The following RTN1 variants were observed in gnomAD, a reference collection of about 807,000 sequenced individuals.
RTN1 encodes reticulon 1.
In RTN1, 25 loss-of-function variants were observed where a neutral mutation model predicts 65.5. The ratio of observed to expected loss-of-function variants is 0.38; its 90% CI spans 0.28 to 0.53. RTN1 has a LOEUF of 0.53. Ranked by LOEUF, RTN1 falls within the 20% of genes least tolerant of loss-of-function variation. The pLI is 0.79. For synonymous variants in RTN1, 471 were observed against 447.6 expected, an observed-to-expected ratio of 1.05 and a Z score of -0.66; for missense variants, 983 against 1,025.4, an observed-to-expected ratio of 0.96 and a Z score of 0.57.
In RTN1 at chr14:59,825,432, G is replaced by A. The variant is rs1887013981; in HGVS notation, c.241+44958C>T. The stretch of plus-strand genomic sequence containing the variant: ...TACACAGGAAAATGCTCTGATTCAG[G>A]GAAAGTTGCTATAAAATAGTTTTAA... On this transcript the variant is annotated intron_variant, in intron 1 of 8. Coordinates refer to ENST00000267484, the MANE Select transcript of RTN1 (RefSeq NM_021136.3). This position sits in a 1 kb window ranked among gnomAD's most constrained non-coding sequence, Gnocchi z 4.2. 1.3e-5 allele frequency among the ~76,000 whole-genome samples: 2 copies of A among 152,304 alleles called. No individual in the cohort carries two copies. Among genetic ancestry groups the A allele is most frequent in the South Asian group, 2.1e-4 (1 of 4,818 alleles).
chr14:59,776,264 G>A (rs950360866), intron 1 of RTN1, among the ~76,000 whole-genome samples: 1 of 152,108 alleles, frequency 6.6e-6, no homozygotes, highest in African/African-American at 2.4e-5. Flanking sequence ...CTAGTAAGAG[G>A]TGGATTAGGT....
chr14:59,798,483 G>A (rs1429414342), intron 1 of RTN1, among the ~76,000 whole-genome samples: 1 of 152,106 alleles, frequency 6.6e-6, no homozygotes, highest in Non-Finnish European at 1.5e-5. Flanking sequence ...GGTTCTTTAG[G>A]AGGCTCTAAG....
chr14:59,757,021 A>C (rs1885654083), intron 1 of RTN1, among the ~76,000 whole-genome samples: 1 of 151,970 alleles, frequency 6.6e-6, no homozygotes, highest in Admixed American at 6.6e-5. Context: ...TATTCTTATT[A>C]TTTTTTGAGC....
At chr14:59,818,606 A>T (rs1886864189) in intron 1 of RTN1, among the ~76,000 whole-genome samples, 2 of 152,230 alleles carry the variant, frequency 1.3e-5, no homozygotes, top group East Asian at 3.8e-4. Flanking sequence ...TGTCATCGCG[A>T]ATAGTATGAT....
chr14:59,624,433 C>T (rs763424956), intron 3 of RTN1, among the ~76,000 whole-genome samples: 1 of 151,788 alleles, frequency 6.6e-6, no homozygotes, highest in Non-Finnish European at 1.5e-5. Flanking sequence ...TATAAGGCAG[C>T]CATATTTCTT....
At chr14:59,704,139 C>T (rs991105419) in intron 3 of RTN1, among the ~76,000 whole-genome samples, 10 of 152,114 alleles carry the variant, frequency 6.6e-5, no homozygotes, top group African/African-American at 1.7e-4. Context: ...CACTGAGAGT[C>T]TGATGAAAGT....
At chr14:59,648,471 T>C (rs1566672108) in intron 3 of RTN1, among the ~76,000 whole-genome samples, 1 of 152,132 alleles carries the variant, frequency 6.6e-6, no homozygotes, top group African/African-American at 2.4e-5. Context: ...AACCAAAACC[T>C]GGCAGAGACA....
rs1053074754 is a variant in RTN1 at position 59,840,513 on chromosome 14, A to T, written c.241+29877T>A. On this transcript the variant is annotated intron_variant, in intron 1 of 8. Coordinates refer to ENST00000267484, the MANE Select transcript of RTN1 (RefSeq NM_021136.3). Reference sequence around the variant, plus strand: ...AGTTAGAGATAAAGAAGTATCTACCACGTATGGTTGTCGTAGGAGTAAATG... The same window carrying T: ...AGTTAGAGATAAAGAAGTATCTACCTCGTATGGTTGTCGTAGGAGTAAATG... Among the ~76,000 whole-genome samples, 9 of 152,268 alleles carry T rather than the reference A, an allele frequency of 5.9e-5. No individual in the cohort carries two copies. In the South Asian group the frequency reaches 6.2e-4, roughly 11 times the overall value.
At chr14:59,818,232 G>T (rs984304773) in intron 1 of RTN1, among the ~76,000 whole-genome samples, 1 of 152,194 alleles carries the variant, frequency 6.6e-6, no homozygotes, top group Admixed American at 6.5e-5. Context: ...AGTATTCCAT[G>T]ATGTGTATGT....
rs1338461483 is a variant in RTN1, at chr14:59,688,681, T to G, written c.1765+38238A>C. Among the ~76,000 whole-genome samples, 4 of 152,090 alleles carry G rather than the reference T, an allele frequency of 2.6e-5. No homozygotes were observed. In the East Asian group the frequency reaches 5.8e-4, roughly 22 times the overall value. On this transcript the variant is annotated intron_variant, in intron 3 of 8. Coordinates refer to ENST00000267484, the MANE Select transcript of RTN1 (RefSeq NM_021136.3). ...CCAAGATAAGACCTGTCAGCAGAAG[T>G]GCATAGGGCTATAGAAGCAAAGCCA...
Position 59,727,125 on chromosome 14 carries a change from C to A in RTN1, c.1559G>T (p.Gly520Val). ...APSRRGLAEP[G>V]SFLDYPSTEP... Reference sequence around the variant, plus strand: ...AGTTGAGGGGTAGTCGAGGAAGGAACCCGGCTCGGCCAGGCCCCGCCGGCT... The same window carrying A: ...AGTTGAGGGGTAGTCGAGGAAGGAAACCGGCTCGGCCAGGCCCCGCCGGCT... Residue 520 changes from glycine (G) to valine (V), a missense_variant, in exon 3 of 9, where the codon GGT (glycine) becomes GTT (valine). Coordinates refer to ENST00000267484, the MANE Select transcript of RTN1 (RefSeq NM_021136.3). This position sits in a 1 kb window ranked among gnomAD's most constrained non-coding sequence, Gnocchi z 4.2. 6.2e-7 allele frequency: 1 copy of A among 1,606,422 alleles called. No individual in the cohort carries two copies. The highest frequency in any genetic ancestry group is 8.5e-7 in the Non-Finnish European group (1 of 1,176,602).
intron 3 of RTN1, among the ~76,000 whole-genome samples, chr14:59,725,279 A>G (rs1884733679): frequency 6.6e-6 from 1 of 152,220 alleles, no homozygotes; most frequent in Non-Finnish European, 1.5e-5. Flanking sequence ...ACTTTTGAGA[A>G]TAAACATATT....
At chr14:59,722,682 G>C (rs1019317281) in intron 3 of RTN1, among the ~76,000 whole-genome samples, 2 of 150,720 alleles carry the variant, frequency 1.3e-5, no homozygotes, top group Admixed American at 1.3e-4. Flanking sequence ...ATATATTCCT[G>C]AATACTTAAA....
intron 1 of RTN1, among the ~76,000 whole-genome samples, chr14:59,854,669 T>C (rs919628020): frequency 2.9e-5 from 4 of 139,650 alleles, no homozygotes; most frequent in Admixed American, 2.8e-4. Context: ...AAAAAATAGA[T>C]GCTGCACAAG....
rs1323153217 is a variant in RTN1, at chr14:59,803,988, A to G, written c.242-57507T>C. 6.6e-6 allele frequency among the ~76,000 whole-genome samples: 1 copy of G among 152,246 alleles called. No homozygotes were observed. The highest frequency in any genetic ancestry group is 1.5e-5 in the Non-Finnish European group (1 of 68,042). On this transcript the variant is annotated intron_variant, in intron 1 of 8. Transcript: ENST00000267484. The surrounding 1 kb of genome is among the most constrained non-coding windows in gnomAD (Gnocchi z 5.6). ...TACGTCAGTTTCCTCTCTTGTTAAC[A>G]TCTTACATGGTCTATTTGTTACAAT... is the stretch of plus-strand genomic sequence containing the variant.
intron 1 of RTN1, among the ~76,000 whole-genome samples, chr14:59,754,303 T>A (rs1885593021): frequency 6.6e-6 from 1 of 152,200 alleles, no homozygotes. Context: ...GGTAGGTGTT[T>A]TATTTTATTT....
intron 1 of RTN1, among the ~76,000 whole-genome samples, chr14:59,819,130 T>C (rs1451840238): frequency 6.6e-6 from 1 of 152,136 alleles, no homozygotes; most frequent in Non-Finnish European, 1.5e-5. Context: ...ATTTGTGGTC[T>C]CGCTGGCTTC....
intron 1 of RTN1, among the ~76,000 whole-genome samples, chr14:59,808,218 T>C (rs1173615256): frequency 2.0e-5 from 3 of 152,202 alleles, no homozygotes; most frequent in Admixed American, 2.0e-4. Flanking sequence ...ATGTGAAACA[T>C]ACATTTCCTA....
At chr14:59,772,621 A>C (rs922312066) in intron 1 of RTN1, among the ~76,000 whole-genome samples, 2 of 152,032 alleles carry the variant, frequency 1.3e-5, no homozygotes, top group Admixed American at 1.3e-4. Flanking sequence ...CTAAATCATA[A>C]AACTATGATG....
Sources: allele counts gnomAD v4.1 joint callset (sites outside exome capture counted in the v4.1 genomes callset), GRCh38; gene constraint gnomAD v4.1.1; non-coding constraint Gnocchi (gnomAD v3.1); transcripts MANE v1.5; gene names NCBI Gene and HGNC (gene_info 2026-07-23, HGNC 2026-07-21).